Variants in BAZ2A observed in about 807,000 individuals in gnomAD.
The protein encoded by BAZ2A is bromodomain adjacent to zinc finger domain protein 2A.
A neutral mutation model predicts 199.9 loss-of-function variants in BAZ2A; 34 were observed. The ratio of observed to expected loss-of-function variants is 0.17; its 90% CI spans 0.13 to 0.23. The LOEUF (loss-of-function observed/expected upper bound fraction) is 0.23, where lower values mean the gene tolerates loss of function less well. Ranked by LOEUF, BAZ2A falls within the 10% of genes least tolerant of loss-of-function variation. BAZ2A has a pLI of 1.00. For synonymous variants in BAZ2A, 857 were observed against 883.9 expected (o/e 0.97, Z 0.54); for missense variants, 2,002 against 2,391.1 (o/e 0.84, Z 3.39).
At chr12:56,615,713 G>T in intron 2 of BAZ2A, 106 bp from the exon 3 acceptor site, 1 of 924,852 alleles carries the variant, frequency 1.1e-6, no homozygotes. Flanking sequence ...ATGGTAAAGG[G>T]AAGGGGGATT....
chr12:56,612,967 T>C, intron 5 of BAZ2A, 48 bp downstream of exon 5: 1 of 1,546,000 alleles, frequency 6.5e-7, no homozygotes, highest in Non-Finnish European at 8.9e-7. Flanking sequence ...TATTCTCTCA[T>C]CTTTTCTCAG....
At chr12:56,634,970 G>A, upstream of BAZ2A, 2 of 984,896 alleles carry the variant, frequency 2.0e-6, no homozygotes, top group Middle Eastern at 5.2e-4. Context: ...GCCGCAGGCG[G>A]CGGCGGCGGC....
chr12:56,616,614 G>T (rs774627655), intron 2 of BAZ2A, among the ~76,000 whole-genome samples: 22 of 152,136 alleles, frequency 1.4e-4, no homozygotes, highest in Non-Finnish European at 2.5e-4. Context: ...AAAGAACCAA[G>T]ATATTAAGGA....
In BAZ2A at chr12:56,600,775, G is replaced by C; in HGVS notation, c.4508C>G (p.Ser1503Cys). 6.2e-7 allele frequency: 1 copy of C among 1,613,846 alleles called. No homozygotes were observed. Among genetic ancestry groups the C allele is most frequent in the African/African-American group, 1.3e-5 (1 of 75,024 alleles). The change falls in exon 23 of 29, where the codon TCC (serine) becomes TGC (cysteine). Residue 1503 changes from serine to cysteine, a missense_variant. Physicochemically the swap from Ser to Cys is moderately radical, Grantham distance 112 (BLOSUM62 -1). Around this residue, in one of 6 missense-constraint regions of BAZ2A, gnomAD observed 1,081 missense variants for 1,274.7 expected, o/e 0.85. Transcript: ENST00000549884. ...PAFQEGIMSW[S>C]PKEKTYETDL... ...TGTCTCGTATGTCTTCTCTTTGGGG[G>C]ACCAGCTCATAATCCCTTCTTGAAA... is the stretch of plus-strand genomic sequence containing the variant.
At chr12:56,617,000 T>G (rs17118865) in intron 2 of BAZ2A, among the ~76,000 whole-genome samples, 10,481 of 152,246 alleles carry the variant, frequency 0.069, 919 homozygotes, top group African/African-American at 0.2. Context: ...CTTTCTCTGA[T>G]GTACAAACTA....
In BAZ2A at chr12:56,606,316, T is replaced by TAA; in HGVS notation, c.2194-6_2194-5dup. On this transcript the variant is annotated splice_region_variant and splice_polypyrimidine_tract_variant and intron_variant, in intron 11 of 28. Coordinates refer to ENST00000549884, the MANE Select transcript of BAZ2A (RefSeq NM_001300905.2). ...CTTGTTTCCGCTTATTTCTGGCCTG[T>TAA]AAACCATAAGGGAAGTCATTTCTCC... The TAA allele has an allele frequency of 6.2e-7, 1 of 1,613,972 alleles. No homozygotes were observed. Among genetic ancestry groups the TAA allele is most frequent in the Non-Finnish European group, 8.5e-7 (1 of 1,179,884 alleles).
At chr12:56,630,424 C>T (rs1484591411), upstream of BAZ2A, 4 of 361,052 alleles carry the variant, frequency 1.1e-5, no homozygotes, top group South Asian at 2.2e-4. Flanking sequence ...CCCATCTTTC[C>T]GACCCGGACC....
At chr12:56,607,582 A>G (rs907703839) in intron 10 of BAZ2A, among the ~76,000 whole-genome samples, 13 of 152,274 alleles carry the variant, frequency 8.5e-5, no homozygotes, top group African/African-American at 3.1e-4. Context: ...CGTTTTAGCC[A>G]TGACGGTCTT....
chr12:56,615,220 T>A lies in BAZ2A; in HGVS notation c.524A>T (p.Glu175Val). 6.2e-7 allele frequency: 1 copy of A among 1,613,824 alleles called. No individual in the cohort carries two copies. Among genetic ancestry groups the A allele is most frequent in the Non-Finnish European group, 8.5e-7 (1 of 1,179,834 alleles). The change falls in exon 3 of 29, where the codon GAG becomes GTG. Residue 175 changes from glutamate (E) to valine (V), a missense_variant. Coordinates refer to ENST00000549884, the MANE Select transcript of BAZ2A (RefSeq NM_001300905.2). ...LYDSFPDQNF[E>V]VMPNGPPSFF... ...ACTAGGGGGTCCATTGGGCATCACC[T>A]CAAAATTCTGGTCAGGAAAGGAATC...
In BAZ2A at chr12:56,610,181, C is replaced by T. The variant is rs778897169; in HGVS notation, c.1814G>A (p.Arg605Gln). 4.3e-6 allele frequency: 7 copies of T among 1,613,922 alleles called. No homozygotes were observed. Among genetic ancestry groups the T allele is most frequent in the East Asian group, 2.2e-5 (1 of 44,880 alleles). Residue 605 changes from arginine to glutamine, a missense_variant, in exon 9 of 29, where the codon CGA becomes CAA. This residue lies in a region of BAZ2A where 74 missense variants were observed against 126.1 expected (regional missense o/e 0.59). Coordinates refer to ENST00000549884, the MANE Select transcript of BAZ2A (RefSeq NM_001300905.2). ...ACGGGGACTGAAGCTGAAGTGCTCT[C>T]GGCGGACACTGTGTACCACGTTGCG... ...LSRNVVHSVR[R>Q]EHFSFSPRMP...
At chr12:56,617,938 A>G (rs527353445) in intron 1 of BAZ2A, among the ~76,000 whole-genome samples, 4 of 152,300 alleles carry the variant, frequency 2.6e-5, no homozygotes, top group South Asian at 2.1e-4. Flanking sequence ...TCCCAGGCCC[A>G]CAAAAGGTTC....
chr12:56,612,081 G>C lies in BAZ2A; in HGVS notation c.1301C>G (p.Ala434Gly). ...TGCTGGAGAAACCACTAGGGAGACT[G>C]CTGGGGAGGTTGTTGGCGAGACTGC... ...SPAVSPTTSP[A>G]VSLVVSPAAS... Residue 434 changes from alanine to glycine, a missense_variant, in exon 6 of 29, where the codon GCA becomes GGA. This residue lies in a region of BAZ2A where 641 missense variants were observed against 694.5 expected (regional missense o/e 0.92). Transcript: ENST00000549884. 1 of 1,613,874 alleles carries C rather than the reference G, an allele frequency of 6.2e-7. No individual in the cohort carries two copies. The highest frequency in any genetic ancestry group is 8.5e-7 in the Non-Finnish European group (1 of 1,179,866).
At position 56,601,588 on chromosome 12, in the gene BAZ2A, G is replaced by T. The variant is rs1447846177; in HGVS notation, c.4029C>A (p.Asp1343Glu). 1.2e-6 allele frequency: 2 copies of T among 1,613,680 alleles called. No individual in the cohort carries two copies. Among genetic ancestry groups the T allele is most frequent in the African/African-American group, 1.3e-5 (1 of 74,904 alleles). The change falls in exon 20 of 29, where the codon GAC (aspartate) becomes GAA (glutamate). Residue 1343 changes from aspartate to glutamate, a missense_variant. Physicochemically the swap from Asp to Glu is conservative, Grantham distance 45. This residue lies in a region of BAZ2A where 1,081 missense variants were observed against 1,274.7 expected (regional missense o/e 0.85). Coordinates refer to ENST00000549884, the MANE Select transcript of BAZ2A (RefSeq NM_001300905.2). ...GCTGCTGAGGGGAGGGAGTGGGTTG[G>T]TCCTCAGAAACTGCAGGGGGCGGTG... Reference protein sequence around the residue: ...APTPPPAVSEDQPTPSPQQLA... With the variant: ...APTPPPAVSEEQPTPSPQQLA...
At position 56,615,594 on chromosome 12, in the gene BAZ2A, A is replaced by G; in HGVS notation, c.150T>C (p.Asp50=). The G allele has an allele frequency of 6.3e-7, 1 of 1,598,508 alleles. No homozygotes were observed. The change falls in exon 3 of 29, where the codon GAT becomes GAC. Residue 50 remains aspartate (D), a synonymous_variant. Coordinates refer to ENST00000549884, the MANE Select transcript of BAZ2A (RefSeq NM_001300905.2). The stretch of plus-strand genomic sequence containing the variant: ...CAGTAGATAAGCCATTAACATTCAC[A>G]TCCCCATTCAAACCTGGCAGAGAAA... ...FPQQGKSLNG[D]VNVNGLSTVS... is the part of the protein sequence containing the mutation.
Position 56,604,789 on chromosome 12 carries a change from A to G in BAZ2A, c.2759T>C (p.Ile920Thr). Residue 920 changes from isoleucine (I) to threonine (T), a missense_variant, in exon 15 of 29, where the codon ATC becomes ACC. This residue lies in a region of BAZ2A where 1,081 missense variants were observed against 1,274.7 expected (regional missense o/e 0.85). Coordinates refer to ENST00000549884, the MANE Select transcript of BAZ2A (RefSeq NM_001300905.2). ...GFPSYCQSLKILGEKVSEIPL... is the reference protein window; with the variant it reads ...GFPSYCQSLKTLGEKVSEIPL... Reference sequence around the variant, plus strand: ...GATCTCAGACACCTTCTCCCCCAAGATCTTTAGGGACTGTGTGGAGGACAG... The same window carrying G: ...GATCTCAGACACCTTCTCCCCCAAGGTCTTTAGGGACTGTGTGGAGGACAG... The G allele has an allele frequency of 6.2e-7, 1 of 1,613,530 alleles. No individual in the cohort carries two copies. Among genetic ancestry groups the G allele is most frequent in the South Asian group, 1.1e-5 (1 of 90,946 alleles).
At position 56,601,752 on chromosome 12, in the gene BAZ2A, C is replaced by T. The variant is rs763722809; in HGVS notation, c.3865G>A (p.Asp1289Asn). Residue 1289 changes from aspartate to asparagine, a missense_variant, in exon 20 of 29, where the codon GAT becomes AAT. This residue lies in a region of BAZ2A where 1,081 missense variants were observed against 1,274.7 expected (regional missense o/e 0.85). Transcript: ENST00000549884. Reference sequence around the variant, plus strand: ...GGGTCTAGTTTTCCCGGACTGCTATCAGGTGTGAGGACTGAGCTGCTCAAC... The same window carrying T: ...GGGTCTAGTTTTCCCGGACTGCTATTAGGTGTGAGGACTGAGCTGCTCAAC... The part of the protein sequence containing the change: ...SLLSSSVLTP[D>N]SSPGKLDPAP... 2 of 1,613,822 alleles carry T rather than the reference C, an allele frequency of 1.2e-6. No individual in the cohort carries two copies. The highest frequency in any genetic ancestry group is 2.7e-5 in the African/African-American group (2 of 74,906).
upstream of BAZ2A, chr12:56,630,327 G>A (rs1411552881): frequency 3.1e-6 from 3 of 979,050 alleles, no homozygotes; most frequent in African/African-American, 3.5e-5. Flanking sequence ...GGGGAGGAGT[G>A]AGTCGGAGCC....
In BAZ2A at chr12:56,601,919, G is replaced by GCTGAT; in HGVS notation, c.3697_3698insATCAG (p.Pro1233HisfsTer41). ...GGACTGAAGCTGAAGCTGAAGCTGA[G>GCTGAT]GCTGGGGCTGGGCAGGAGCATGAAG... On this transcript the variant is annotated frameshift_variant, in exon 20 of 29. Transcript: ENST00000549884. LOFTEE classifies it high-confidence loss of function. 6.3e-7 allele frequency: 1 copy of GCTGAT among 1,593,824 alleles called. No individual in the cohort carries two copies. The highest frequency in any genetic ancestry group is 8.5e-7 in the Non-Finnish European group (1 of 1,169,960).
intron 1 of BAZ2A, chr12:56,620,980 C>T (rs759753307): frequency 1.6e-5 from 13 of 787,926 alleles, no homozygotes; most frequent in Non-Finnish European, 2.0e-5. Flanking sequence ...ATTCCTTAGT[C>T]TCCAGTTAGG....
Sources: gnomAD v4.1 joint callset for allele counts (sites outside exome capture counted in the v4.1 genomes callset) on GRCh38, gnomAD v4.1.1 for gene constraint, gnomAD v4.1.1 regional missense constraint, MANE v1.5 for transcripts, NCBI Gene and HGNC (gene_info 2026-07-23, HGNC 2026-07-21) for gene names.